MTG1: variants seen among roughly 807,000 people sequenced by gnomAD.
MTG1 encodes mitochondrial ribosome associated GTPase 1.
In MTG1, 30 loss-of-function variants were observed where a neutral mutation model predicts 39.5. That is an observed-to-expected ratio of 0.76 (90% CI 0.57 to 1.03). The LOEUF is 1.03. MTG1 is among the 50% of genes least tolerant of loss of function. The pLI is 0.00. For synonymous variants in MTG1, 217 were observed against 179.0 expected, an observed-to-expected ratio of 1.21 and a Z score of -1.69; for missense variants, 513 against 447.4, an observed-to-expected ratio of 1.15 and a Z score of -1.32.
intron 9 of MTG1, among the ~76,000 whole-genome samples, chr10:133,407,117 T>G (rs1010169548): frequency 1.3e-5 from 2 of 152,152 alleles, no homozygotes; most frequent in Non-Finnish European, 2.9e-5. Context: ...TGTAAATGTG[T>G]GGATGTATTT....
intron 1 of MTG1, chr10:133,394,778 T>C (rs1849756129): frequency 1.0e-6 from 1 of 972,300 alleles, no homozygotes; most frequent in African/African-American, 1.8e-5. Context: ...GTCGTTCTCC[T>C]GCTTAACGTC....
intron 6 of MTG1, among the ~76,000 whole-genome samples, chr10:133,400,078 G>T (rs1177447626): frequency 6.6e-6 from 1 of 152,096 alleles, no homozygotes; most frequent in Non-Finnish European, 1.5e-5. Context: ...TGTAGTCCCA[G>T]CCACTTAGGA....
At position 133,402,829 on chromosome 10, in the gene MTG1, A is replaced by T; in HGVS notation, c.752+56A>T. The T allele has an allele frequency of 4.2e-6, 5 of 1,192,958 alleles. No individual in the cohort carries two copies. The highest frequency in any genetic ancestry group is 1.5e-5 in the South Asian group (1 of 64,586). 73.9% of individuals were successfully genotyped at this position (1,192,958 alleles called of 1,614,324 possible). A position where few individuals can be genotyped will look rare whatever the true frequency, so the allele number is the denominator to read the frequency against. On this transcript the variant is annotated intron_variant, in intron 9 of 10. Coordinates refer to ENST00000317502, the MANE Select transcript of MTG1 (RefSeq NM_138384.4). The surrounding 1 kb of genome is among the most constrained non-coding windows in gnomAD (Gnocchi z 4.7). ...CCCCTCCTCCTAGTCACCTCATTTA[A>T]AAAAAAAAAACAAACAAAAAAACCC...
At chr10:133,414,564 C>G (rs1195966032) in intron 9 of MTG1, among the ~76,000 whole-genome samples, 1 of 150,322 alleles carries the variant, frequency 6.7e-6, no homozygotes, top group Non-Finnish European at 1.5e-5. Flanking sequence ...ACATCTCAGA[C>G]GATGGGCGGC....
chr10:133,418,640 G>A (rs1850172547), intron 9 of MTG1, among the ~76,000 whole-genome samples: 1 of 152,068 alleles, frequency 6.6e-6, no homozygotes, highest in Admixed American at 6.6e-5. Flanking sequence ...GCTTTGCTGG[G>A]CCTTGGGGTG....
rs371553310 is a variant in MTG1 at position 133,399,561 on chromosome 10, C to T, written c.453C>T (p.Val151=). 3.7e-6 allele frequency: 6 copies of T among 1,614,096 alleles called. No individual in the cohort carries two copies. Among genetic ancestry groups the T allele is most frequent in the African/African-American group, 1.3e-5 (1 of 74,938 alleles). The stretch of plus-strand genomic sequence containing the variant: ...AGTACTGTATCATGGTCATTGGGGT[C>T]CCCAACGTGGGCAAGTCCTCCCTCA... ...NLEYCIMVIG[V]PNVGKSSLIN... The change falls in exon 6 of 11, where the codon GTC becomes GTT. Residue 151 remains valine (V), a synonymous_variant. Coordinates refer to ENST00000317502, the MANE Select transcript of MTG1 (RefSeq NM_138384.4).
At chr10:133,401,702 C>G (rs1003144336) in intron 7 of MTG1, 112 bp downstream of exon 7, 2 of 1,013,614 alleles carry the variant, frequency 2.0e-6, no homozygotes, top group Non-Finnish European at 3.1e-6. Flanking sequence ...CTCCCCTCCA[C>G]TCAGTGTCCC....
Position 133,396,201 on chromosome 10 carries a change from C to T in MTG1, c.216C>T (p.Thr72=). 6.2e-7 allele frequency: 1 copy of T among 1,614,176 alleles called. No individual in the cohort carries two copies. Among genetic ancestry groups the T allele is most frequent in the Non-Finnish European group, 8.5e-7 (1 of 1,180,026 alleles). The part of the protein sequence containing the change: ...LSGRNPLFQE[T]LGLKPHLLVL... The stretch of plus-strand genomic sequence containing the variant: ...GCCGCAACCCTCTGTTTCAGGAAAC[C>T]CTTGGGCTTAAGCCTCACTTGCTGG... The change falls in exon 3 of 11, where the codon ACC becomes ACT. Residue 72 remains threonine, a synonymous_variant. Transcript: ENST00000317502.
At chr10:133,409,128 G>A (rs114557866) in intron 9 of MTG1, among the ~76,000 whole-genome samples, 357 of 151,598 alleles carry the variant, frequency 2.4e-3, no homozygotes, top group Admixed American at 5.8e-3. Context: ...TGAGGTTCAT[G>A]GTTAGGTTAT....
In MTG1 at chr10:133,422,462, A is replaced by G. The variant is rs1455259370; in HGVS notation, c.*2297A>G. 6.6e-6 allele frequency: 1 copy of G among 152,276 alleles called. No homozygotes were observed. The highest frequency in any genetic ancestry group is 1.5e-5 in the Non-Finnish European group (1 of 68,078). The allele number at this position is 152,276 out of a possible 1,614,324, so 9.4% of individuals were successfully genotyped here. ...TTCAAAGGACTTGGAAAGCTCTGGA[A>G]TGTGTTGGTTTTTCCCCCCCAAAAT... On this transcript the variant is annotated 3_prime_UTR_variant, in exon 11 of 11. Coordinates refer to ENST00000317502, the MANE Select transcript of MTG1 (RefSeq NM_138384.4).
intron 9 of MTG1, among the ~76,000 whole-genome samples, chr10:133,403,634 T>A (rs1430935613): frequency 3.3e-5 from 5 of 152,228 alleles, no homozygotes; most frequent in African/African-American, 1.2e-4. Context: ...GCCAGGCGGT[T>A]TCAGTGTCCA....
At chr10:133,394,513 C>A (rs187589502) in intron 1 of MTG1, 181 bp downstream of exon 1, 2 of 1,331,148 alleles carry the variant, frequency 1.5e-6, no homozygotes, top group Admixed American at 4.2e-5. Context: ...GGACCCCTTC[C>A]CCTGCGCAGC....
At chr10:133,404,599 CTTG>C (rs1422434954) in intron 9 of MTG1, among the ~76,000 whole-genome samples, 1 of 152,138 alleles carries the variant, frequency 6.6e-6, no homozygotes, top group Non-Finnish European at 1.5e-5. Context: ...CCAGAGTACT[CTTG>C]TTGTCATATC....
At chr10:133,416,209 C>T (rs1051364324) in intron 9 of MTG1, among the ~76,000 whole-genome samples, 9 of 152,036 alleles carry the variant, frequency 5.9e-5, no homozygotes, top group Admixed American at 2.6e-4. Flanking sequence ...TTTTCACTTC[C>T]GCAAGTTGAG....
At chr10:133,398,628 G>A in intron 4 of MTG1, 113 bp downstream of exon 4, 1 of 1,259,290 alleles carries the variant, frequency 7.9e-7, no homozygotes, top group Non-Finnish European at 1.1e-6. Flanking sequence ...GATCCTAGGT[G>A]TTGGTTTCCA....
intron 10 of MTG1, among the ~76,000 whole-genome samples, 167 bp downstream of exon 10, chr10:133,419,759 A>G (rs1195453156): frequency 1.3e-5 from 2 of 152,148 alleles, no homozygotes; most frequent in Admixed American, 1.3e-4. Flanking sequence ...TCTGGAGAGG[A>G]AGGGCTTGTA....
At chr10:133,399,141 G>A (rs779586140) in intron 4 of MTG1, 29 bp from the exon 5 acceptor site, 2 of 1,614,146 alleles carry the variant, frequency 1.2e-6, no homozygotes, top group East Asian at 2.2e-5. Flanking sequence ...CCGACCTGGG[G>A]TGGCTCCATG....
At chr10:133,398,339 G>T (rs1849819057) in intron 3 of MTG1, 96 bp from the exon 4 acceptor site, 3 of 1,212,828 alleles carry the variant, frequency 2.5e-6, no homozygotes, top group East Asian at 4.9e-5. Flanking sequence ...GGCGGAGGTT[G>T]CAGGGAGCCG....
At chr10:133,403,901 A>G (rs1589912929) in intron 9 of MTG1, among the ~76,000 whole-genome samples, 1 of 152,108 alleles carries the variant, frequency 6.6e-6, no homozygotes, top group East Asian at 1.9e-4. Flanking sequence ...CAAGCAGGGA[A>G]TGAGTCCTTC....
Sources: gnomAD v4.1 joint callset for allele counts (sites outside exome capture counted in the v4.1 genomes callset) on GRCh38, gnomAD v4.1.1 for gene constraint, Gnocchi (gnomAD v3.1) non-coding constraint, MANE v1.5 for transcripts, NCBI Gene and HGNC (gene_info 2026-07-23, HGNC 2026-07-21) for gene names.